RAB6D: variants seen among roughly 807,000 people sequenced by gnomAD.
RAB6D encodes the protein ras-related protein Rab-6D.
RAB6D carries 11 observed loss-of-function variants against 17.5 expected under a neutral mutation model. The observed-to-expected ratio is 0.63, with a 90% CI of 0.39 to 1.04. The LOEUF is 1.04. Among genes scored for constraint, RAB6D ranks in the 50% least tolerant of loss-of-function variants. The pLI is 0.00. For missense variants in RAB6D, 163 were observed against 315.1 expected, an observed-to-expected ratio of 0.52 and a Z score of 3.65; for synonymous variants, 68 against 122.6, an observed-to-expected ratio of 0.55 and a Z score of 2.94.
chr2:131,363,153 C>T lies in RAB6D; in HGVS notation c.568G>A (p.Asp190Asn), dbSNP rs375164387. The part of the protein sequence containing the change: ...TQDGSREDMS[D>N]IKLEKPQEQT... ...TCCTGAGGCTTTTCCAGTTTTATGT[C>T]ACTCATGTCTTCTCTGCTTCCGTCC... Residue 190 changes from aspartate (D) to asparagine (N), a missense_variant, in exon 1 of 1, where the codon GAC (aspartate) becomes AAC (asparagine). Physicochemically the swap from Asp to Asn is conservative, Grantham distance 23 (BLOSUM62 1). This residue lies in a region of RAB6D where 144 missense variants were observed against 244.4 expected (regional missense o/e 0.59). Transcript: ENST00000623617. The T allele has an allele frequency of 4.4e-6, 7 of 1,608,892 alleles. No homozygotes were observed. The East Asian group carries it at 1.3e-4, about 31-fold the overall frequency.
chr2:131,363,044 A>G lies in RAB6D; in HGVS notation c.677T>C (p.Ile226Thr), dbSNP rs1184397939. 3 of 1,598,934 alleles carry G rather than the reference A, an allele frequency of 1.9e-6. No individual in the cohort carries two copies. The highest frequency in any genetic ancestry group is 1.7e-5 in the Admixed American group (1 of 58,158). ...TLPQKPPYSFIDCSVNIGLNL... is the reference protein window; with the variant it reads ...TLPQKPPYSFTDCSVNIGLNL... ...CAAGCCAATATTCACACTGCAGTCA[A>G]TGAAAGAGTAAGGGGGCTTCTGAGG... is the stretch of plus-strand genomic sequence containing the variant. Residue 226 changes from isoleucine to threonine, a missense_variant, in exon 1 of 1, where the codon ATT becomes ACT. By Grantham distance (89) the Ile-to-Thr change is moderately conservative. Transcript: ENST00000623617.
Position 131,361,250 on chromosome 2 carries a change from G to C in RAB6D, c.*1706C>G, listed in dbSNP as rs1372472335. 1 of 166,972 alleles carries C rather than the reference G, an allele frequency of 6.0e-6. No individual in the cohort carries two copies. The highest frequency in any genetic ancestry group is 1.5e-5 in the Non-Finnish European group (1 of 68,094). The allele number at this position is 166,972 out of a possible 1,614,324, so 10.3% of individuals were successfully genotyped here. On this transcript the variant is annotated 3_prime_UTR_variant, in exon 1 of 1. Coordinates refer to ENST00000623617, the MANE Select transcript of RAB6D (RefSeq NM_001077637.3). ...TTTAAGTGTAAGTTACTGGTATGTG[G>C]GCTAATGATTATCTGTAAGCATTTC...
rs1171275617 is a variant in RAB6D, at chr2:131,364,103, C to A, written c.-383G>T. On this transcript the variant is annotated 5_prime_UTR_variant, in exon 1 of 1. Transcript: ENST00000623617. Reference sequence around the variant, plus strand: ...CCGCAGACGTATCTGGGATCTCTCACGCGCGGCGCTTCGGCTTCCCCAGCC... The same window carrying A: ...CCGCAGACGTATCTGGGATCTCTCAAGCGCGGCGCTTCGGCTTCCCCAGCC... The A allele has an allele frequency of 1.1e-5, 3 of 267,500 alleles. No individual in the cohort carries two copies. Among genetic ancestry groups the A allele is most frequent in the Non-Finnish European group, 2.3e-5 (3 of 132,120 alleles). The allele number at this position is 267,500 out of a possible 1,614,324, so 16.6% of individuals were successfully genotyped here. A position where few individuals can be genotyped will look rare whatever the true frequency, so the allele number is the denominator to read the frequency against.
Position 131,363,823 on chromosome 2 carries a change from G to A in RAB6D, c.-103C>T. The A allele has an allele frequency of 8.9e-7, 1 of 1,122,158 alleles. No homozygotes were observed. Among genetic ancestry groups the A allele is most frequent in the Non-Finnish European group, 1.3e-6 (1 of 781,616 alleles). 69.5% of individuals were successfully genotyped at this position (1,122,158 alleles called of 1,614,324 possible). A position where few individuals can be genotyped will look rare whatever the true frequency, so the allele number is the denominator to read the frequency against. ...AGGCGAGCGGAAGGGCGGGCGCCGAGCTCTCTGCGCCCCTGCAAGGGCCGG... is the reference window on the plus strand; with the variant it reads ...AGGCGAGCGGAAGGGCGGGCGCCGAACTCTCTGCGCCCCTGCAAGGGCCGG... On this transcript the variant is annotated 5_prime_UTR_variant, in exon 1 of 1. Coordinates refer to ENST00000623617, the MANE Select transcript of RAB6D (RefSeq NM_001077637.3).
Position 131,361,530 on chromosome 2 carries a change from A to T in RAB6D, c.*1426T>A, listed in dbSNP as rs1216528841. 6 of 167,080 alleles carry T rather than the reference A, an allele frequency of 3.6e-5. No homozygotes were observed. Among genetic ancestry groups the T allele is most frequent in the Non-Finnish European group, 7.3e-5 (5 of 68,116 alleles). 10.3% of individuals were successfully genotyped at this position (167,080 alleles called of 1,614,324 possible). A position where few individuals can be genotyped will look rare whatever the true frequency, so the allele number is the denominator to read the frequency against. ...GAAGTTTTCTTCCTGCAAACAATGT[A>T]TTTACAAATGTGTTTATTAGCTTAC... On this transcript the variant is annotated 3_prime_UTR_variant, in exon 1 of 1. Coordinates refer to ENST00000623617, the MANE Select transcript of RAB6D (RefSeq NM_001077637.3).
At position 131,361,804 on chromosome 2, in the gene RAB6D, C is replaced by A. The variant is rs1432930225; in HGVS notation, c.*1152G>T. ...ATACAGATCTCATACAAACGAAAAC[C>A]AGCCTGAAAGACCCAACCTTAAAAA... On this transcript the variant is annotated 3_prime_UTR_variant, in exon 1 of 1. Coordinates refer to ENST00000623617, the MANE Select transcript of RAB6D (RefSeq NM_001077637.3). 2.4e-5 allele frequency: 4 copies of A among 166,854 alleles called. No homozygotes were observed. The highest frequency in any genetic ancestry group is 7.2e-5 in the African/African-American group (3 of 41,402). The allele number at this position is 166,854 out of a possible 1,614,324, so 10.3% of individuals were successfully genotyped here. A position where few individuals can be genotyped will look rare whatever the true frequency, so the allele number is the denominator to read the frequency against.
In RAB6D at chr2:131,363,521, C is replaced by T; in HGVS notation, c.200G>A (p.Trp67Ter). The stretch of plus-strand genomic sequence containing the variant: ...GAGACGTTCCTGACCCGCCGTATCC[C>T]ACAGCCGAAGCCCGATTGTTCCATC... ...LEDGTIGLRL[W>*]DTAGQERLRS... is the part of the protein sequence containing the mutation. The change falls in exon 1 of 1, where the codon TGG becomes TAG. Residue 67 changes from tryptophan (W) to a stop codon, truncating the protein, a stop_gained. Coordinates refer to ENST00000623617, the MANE Select transcript of RAB6D (RefSeq NM_001077637.3). LOFTEE classifies it high-confidence loss of function. 2 of 1,604,512 alleles carry T rather than the reference C, an allele frequency of 1.2e-6. No individual in the cohort carries two copies. Among genetic ancestry groups the T allele is most frequent in the Non-Finnish European group, 1.7e-6 (2 of 1,174,970 alleles).
chr2:131,360,734 G>C lies in RAB6D; in HGVS notation c.*2222C>G, dbSNP rs1257215047. 6.6e-6 allele frequency among the ~76,000 whole-genome samples: 1 copy of C among 152,122 alleles called. No homozygotes were observed. ...ATATAATGCCTAATATTGGTAATCA[G>C]GGAAATGCTATTAAACATAGCATAG... is the stretch of plus-strand genomic sequence containing the variant. On this transcript the variant is annotated 3_prime_UTR_variant, in exon 1 of 1. Coordinates refer to ENST00000623617, the MANE Select transcript of RAB6D (RefSeq NM_001077637.3).
Position 131,363,352 on chromosome 2 carries a change from T to A in RAB6D, c.369A>T (p.Leu123=), listed in dbSNP as rs958158989. ...TEGGSDVIIT[L]VGNKTDLADK... is the part of the protein sequence containing the mutation. ...CAGCAAGATCTGTTTTATTTCCTACTAGCGTGATGATAACATCACTTCCTC... is the reference window on the plus strand; with the variant it reads ...CAGCAAGATCTGTTTTATTTCCTACAAGCGTGATGATAACATCACTTCCTC... The change falls in exon 1 of 1, where the codon CTA becomes CTT. Residue 123 remains leucine (L), a synonymous_variant. Coordinates refer to ENST00000623617, the MANE Select transcript of RAB6D (RefSeq NM_001077637.3). 3 of 1,614,000 alleles carry A rather than the reference T, an allele frequency of 1.9e-6. No homozygotes were observed. The highest frequency in any genetic ancestry group is 2.5e-6 in the Non-Finnish European group (3 of 1,180,054).
Position 131,361,485 on chromosome 2 carries a change from CT to C in RAB6D, c.*1470del, listed in dbSNP as rs925803360. The C allele has an allele frequency of 8.4e-5, 14 of 167,004 alleles. No individual in the cohort carries two copies. Among genetic ancestry groups the C allele is most frequent in the African/African-American group, 3.4e-4 (14 of 41,426 alleles). 10.3% of individuals were successfully genotyped at this position (167,004 alleles called of 1,614,324 possible). On this transcript the variant is annotated 3_prime_UTR_variant, in exon 1 of 1. Transcript: ENST00000623617. Reference sequence around the variant, plus strand: ...ACGTTTACAACATAAATTCAGCAGGCTTTTCCTGACCTATAACTCGAAGTTT... The same window carrying C: ...ACGTTTACAACATAAATTCAGCAGGCTTTCCTGACCTATAACTCGAAGTTT...
rs1358219852 is a variant in RAB6D, at chr2:131,360,615, G to A, written c.*2341C>T. ...ATATAACCAACATATAAACAGCAAT[G>A]TGTTAAAGAATTATAAAGAATAATA... On this transcript the variant is annotated 3_prime_UTR_variant, in exon 1 of 1. Coordinates refer to ENST00000623617, the MANE Select transcript of RAB6D (RefSeq NM_001077637.3). Among the ~76,000 whole-genome samples, 2 of 152,030 alleles carry A rather than the reference G, an allele frequency of 1.3e-5. No homozygotes were observed. The highest frequency in any genetic ancestry group is 3.2e-3 in the Middle Eastern group (1 of 314).
In RAB6D at chr2:131,361,669, C is replaced by T. The variant is rs867211745; in HGVS notation, c.*1287G>A. 1.9e-5 allele frequency: 3 copies of T among 160,478 alleles called. No individual in the cohort carries two copies. The highest frequency in any genetic ancestry group is 7.2e-5 in the Admixed American group (1 of 13,946). 9.9% of individuals were successfully genotyped at this position (160,478 alleles called of 1,614,324 possible). Reference sequence around the variant, plus strand: ...ATGGTGAAGCTCTAAATAGATTCAACGAAACATCTAAAAATTGAAAGTTGT... The same window carrying T: ...ATGGTGAAGCTCTAAATAGATTCAATGAAACATCTAAAAATTGAAAGTTGT... On this transcript the variant is annotated 3_prime_UTR_variant, in exon 1 of 1. Coordinates refer to ENST00000623617, the MANE Select transcript of RAB6D (RefSeq NM_001077637.3).
At position 131,363,515 on chromosome 2, in the gene RAB6D, G is replaced by C. The variant is rs1347620747; in HGVS notation, c.206C>G (p.Thr69Arg). The C allele has an allele frequency of 1.1e-5, 18 of 1,604,486 alleles. No individual in the cohort carries two copies. Among genetic ancestry groups the C allele is most frequent in the Non-Finnish European group, 1.5e-5 (18 of 1,175,110 alleles). ...DGTIGLRLWD[T>R]AGQERLRSLI... ...GCTACGGAGACGTTCCTGACCCGCC[G>C]TATCCCACAGCCGAAGCCCGATTGT... The change falls in exon 1 of 1, where the codon ACG (threonine) becomes AGG (arginine). Residue 69 changes from threonine (T) to arginine (R), a missense_variant. By Grantham distance (71) the Thr-to-Arg change is moderately conservative. Around this residue, in one of 2 missense-constraint regions of RAB6D, gnomAD observed 144 missense variants for 244.4 expected, o/e 0.59. Coordinates refer to ENST00000623617, the MANE Select transcript of RAB6D (RefSeq NM_001077637.3).
At position 131,363,915 on chromosome 2, in the gene RAB6D, G is replaced by C. The variant is rs1703465706; in HGVS notation, c.-195C>G. ...TGGCAGCCGCCGCCGCCTCCCGGCA[G>C]AGTAGCCGAGCACCGAGCGAGGCCC... On this transcript the variant is annotated 5_prime_UTR_variant, in exon 1 of 1. Transcript: ENST00000623617. 1.0e-6 allele frequency: 1 copy of C among 997,930 alleles called. No homozygotes were observed. The highest frequency in any genetic ancestry group is 2.9e-5 in the Admixed American group (1 of 34,486). The allele number at this position is 997,930 out of a possible 1,614,324, so 61.8% of individuals were successfully genotyped here.
Position 131,363,376 on chromosome 2 carries a change from T to C in RAB6D, c.345A>G (p.Gly115=). Residue 115 remains glycine, a synonymous_variant, in exon 1 of 1, where the codon GGA becomes GGG. Coordinates refer to ENST00000623617, the MANE Select transcript of RAB6D (RefSeq NM_001077637.3). ...CTAGCGTGATGATAACATCACTTCC[T>C]CCTTCTGTTCTGACATCATCAATCC... The part of the protein sequence containing the change: ...TKWIDDVRTE[G]GSDVIITLVG... 1.2e-6 allele frequency: 2 copies of C among 1,614,118 alleles called. No individual in the cohort carries two copies. Among genetic ancestry groups the C allele is most frequent in the Non-Finnish European group, 1.7e-6 (2 of 1,180,036 alleles).
rs370041162 is a variant in RAB6D at position 131,362,974 on chromosome 2, C to G, written c.747G>C (p.Leu249=). 1.2e-6 allele frequency: 2 copies of G among 1,605,118 alleles called. No individual in the cohort carries two copies. The highest frequency in any genetic ancestry group is 1.7e-5 in the Admixed American group (1 of 59,674). The change falls in exon 1 of 1, where the codon CTG becomes CTC. Residue 249 remains leucine, a synonymous_variant. Transcript: ENST00000623617. ...TAATAGATCATCTCCACGAGACAGGCAGCAATGATGAATTGCAAAACGTTA... is the reference window on the plus strand; with the variant it reads ...TAATAGATCATCTCCACGAGACAGGGAGCAATGATGAATTGCAAAACGTTA... ...SLITFCNSSL[L]PVSWR is the part of the protein sequence containing the mutation.
In RAB6D at chr2:131,362,526, A is replaced by C. The variant is rs777005772; in HGVS notation, c.*430T>G. ...ACCTCAAAGAGGATCTAAGTAATTTATATCAGTGCTCAAGAATAATTCTGG... is the reference window on the plus strand; with the variant it reads ...ACCTCAAAGAGGATCTAAGTAATTTCTATCAGTGCTCAAGAATAATTCTGG... On this transcript the variant is annotated 3_prime_UTR_variant, in exon 1 of 1. Transcript: ENST00000623617. 19 of 203,864 alleles carry C rather than the reference A, an allele frequency of 9.3e-5. No homozygotes were observed. Among genetic ancestry groups the C allele is most frequent in the Non-Finnish European group, 1.6e-4 (15 of 90,918 alleles). 12.6% of individuals were successfully genotyped at this position (203,864 alleles called of 1,614,324 possible). A position where few individuals can be genotyped will look rare whatever the true frequency, so the allele number is the denominator to read the frequency against.
Position 131,363,309 on chromosome 2 carries a change from T to G in RAB6D, c.412A>C (p.Ile138Leu). The G allele has an allele frequency of 6.2e-7, 1 of 1,614,088 alleles. No homozygotes were observed. Among genetic ancestry groups the G allele is most frequent in the African/African-American group, 1.3e-5 (1 of 74,962 alleles). The change falls in exon 1 of 1, where the codon ATT becomes CTT. Residue 138 changes from isoleucine to leucine, a missense_variant. By Grantham distance (5) the Ile-to-Leu change is conservative. Around this residue, in one of 2 missense-constraint regions of RAB6D, gnomAD observed 144 missense variants for 244.4 expected, o/e 0.59. Transcript: ENST00000623617. ...TTGGCTTTCCTCTCTCCCTCCTCAA[T>G]TGACACTTGCCTCTTGTCAGCAAGA... is the stretch of plus-strand genomic sequence containing the variant. The part of the protein sequence containing the change: ...TDLADKRQVS[I>L]EEGERKAKGL...
rs1180634896 is a variant in RAB6D, at chr2:131,362,266, C to T, written c.*690G>A. The T allele has an allele frequency of 6.0e-6, 1 of 167,034 alleles. No homozygotes were observed. Among genetic ancestry groups the T allele is most frequent in the Non-Finnish European group, 1.5e-5 (1 of 68,118 alleles). The allele number at this position is 167,034 out of a possible 1,614,324, so 10.3% of individuals were successfully genotyped here. A position where few individuals can be genotyped will look rare whatever the true frequency, so the allele number is the denominator to read the frequency against. On this transcript the variant is annotated 3_prime_UTR_variant, in exon 1 of 1. Transcript: ENST00000623617. ...CCTTGGGAGAAATAGTTCATTAGAA[C>T]GTCATTATCTTACCATGAAGAATTA...
Sources: allele counts gnomAD v4.1 joint callset (sites outside exome capture counted in the v4.1 genomes callset), GRCh38; gene constraint gnomAD v4.1.1; regional missense constraint gnomAD v4.1.1; transcripts MANE v1.5; gene names NCBI Gene and HGNC (gene_info 2026-07-23, HGNC 2026-07-21).